Variants in CIBAR1 observed in about 807,000 individuals in gnomAD.
CIBAR1 encodes CBY1-interacting BAR domain-containing protein 1.
A neutral mutation model predicts 44.0 loss-of-function variants in CIBAR1; 25 were observed. The ratio of observed to expected loss-of-function variants is 0.57; its 90% CI spans 0.41 to 0.79. The LOEUF is 0.79. CIBAR1 is among the 30% of genes least tolerant of loss of function. The probability of loss-of-function intolerance (pLI) is 0.00; values close to 1 mark genes in which losing one functional copy is unlikely to be tolerated. For synonymous variants in CIBAR1, 115 were observed against 119.0 expected (o/e 0.97, Z 0.22); for missense variants, 278 against 344.8 (o/e 0.81, Z 1.53).
At chr8:93,721,511 C>T (rs1421484455) in intron 7 of CIBAR1, among the ~76,000 whole-genome samples, 1 of 152,060 alleles carries the variant, frequency 6.6e-6, no homozygotes, top group Non-Finnish European at 1.5e-5. Flanking sequence ...TAAAGGTCTC[C>T]GGAATATGTG....
At chr8:93,718,432 CTAAAA>C (rs1008464011) in intron 6 of CIBAR1, among the ~76,000 whole-genome samples, 6 of 151,908 alleles carry the variant, frequency 3.9e-5, no homozygotes, top group African/African-American at 1.5e-4. Flanking sequence ...AGAGAACTAA[CTAAAA>C]TAAAAAATAA....
Position 93,708,079 on chromosome 8 carries a change from A to G in CIBAR1, c.438+63A>G, listed in dbSNP as rs1810674308. Reference sequence around the variant, plus strand: ...ATAGTAAACCCTTTTACTTGTTTCAATTTATACATTTTCTTGAAAAAGAAA... The same window carrying G: ...ATAGTAAACCCTTTTACTTGTTTCAGTTTATACATTTTCTTGAAAAAGAAA... On this transcript the variant is annotated intron_variant, in intron 5 of 8. Transcript: ENST00000518322. The G allele has an allele frequency of 5.6e-6, 7 of 1,253,614 alleles. No individual in the cohort carries two copies. In the East Asian group the frequency reaches 7.5e-5, roughly 13 times the overall value. 77.7% of individuals were successfully genotyped at this position (1,253,614 alleles called of 1,614,324 possible).
intron 3 of CIBAR1, among the ~76,000 whole-genome samples, chr8:93,704,277 G>T (rs1030099747): frequency 2.6e-5 from 4 of 152,102 alleles, no homozygotes; most frequent in Admixed American, 6.5e-5. Flanking sequence ...TTTCTTTAAA[G>T]CGATAGCATT....
At position 93,701,378 on chromosome 8, in the gene CIBAR1, A is replaced by G. The variant is rs769702459; in HGVS notation, c.181A>G (p.Thr61Ala). The change falls in exon 2 of 9, where the codon ACA becomes GCA. Residue 61 changes from threonine (T) to alanine (A), a missense_variant. Physicochemically the swap from Thr to Ala is moderately conservative, Grantham distance 58. Transcript: ENST00000518322. Reference protein sequence around the residue: ...LVNEINAYAATETPHLKLGLM... With the variant: ...LVNEINAYAAAETPHLKLGLM... Reference sequence around the variant, plus strand: ...GAATGAAATTAACGCGTATGCTGCTACAGAGACCCCGCATTTAAAGCTGGG... The same window carrying G: ...GAATGAAATTAACGCGTATGCTGCTGCAGAGACCCCGCATTTAAAGCTGGG... 2.5e-6 allele frequency: 4 copies of G among 1,613,748 alleles called. No homozygotes were observed. Among genetic ancestry groups the G allele is most frequent in the Admixed American group, 1.7e-5 (1 of 59,986 alleles).
intron 4 of CIBAR1, among the ~76,000 whole-genome samples, chr8:93,707,787 A>G (rs566305377): frequency 6.6e-6 from 1 of 152,192 alleles, no homozygotes; most frequent in Non-Finnish European, 1.5e-5. Context: ...GTAAATGTAT[A>G]TACAAACACA....
At chr8:93,707,167 C>G (rs1157735811) in intron 4 of CIBAR1, 1 of 384,766 alleles carries the variant, frequency 2.6e-6, no homozygotes, top group Non-Finnish European at 5.1e-6. Flanking sequence ...GTATTTTAAT[C>G]CAAAGCATTT....
intron 2 of CIBAR1, chr8:93,702,489 T>G: frequency 2.2e-6 from 1 of 455,230 alleles, no homozygotes; most frequent in Non-Finnish European, 4.4e-6. Context: ...TTTGTTCTCC[T>G]TTTATTTCCC....
At chr8:93,710,933 T>C (rs1810799053) in intron 6 of CIBAR1, among the ~76,000 whole-genome samples, 1 of 152,170 alleles carries the variant, frequency 6.6e-6, no homozygotes, top group African/African-American at 2.4e-5. Context: ...TTTTAATCTG[T>C]GGTTTCTGTT....
At chr8:93,702,747 C>T (rs761988903) in intron 2 of CIBAR1, among the ~76,000 whole-genome samples, 8 of 151,912 alleles carry the variant, frequency 5.3e-5, no homozygotes, top group Non-Finnish European at 1.0e-4. Flanking sequence ...ATTTCATTTA[C>T]AGAAACTAAA....
At chr8:93,716,473 C>A (rs936207309) in intron 6 of CIBAR1, among the ~76,000 whole-genome samples, 4 of 151,888 alleles carry the variant, frequency 2.6e-5, no homozygotes, top group Non-Finnish European at 5.9e-5. Flanking sequence ...TTTAGCGATA[C>A]ATTCCTTTAG....
chr8:93,701,052 A>G (rs1027110495), intron 1 of CIBAR1, 172 bp from the exon 2 acceptor site: 171 of 1,453,636 alleles, frequency 1.2e-4, no homozygotes, highest in Non-Finnish European at 1.4e-4. Context: ...CAGTCCGGAT[A>G]GTGAGGTCAG....
intron 4 of CIBAR1, among the ~76,000 whole-genome samples, chr8:93,707,024 G>A (rs1489142035): frequency 1.3e-5 from 2 of 152,154 alleles, no homozygotes; most frequent in Admixed American, 1.3e-4. Context: ...AGGGCTCCAG[G>A]TGACTCCTGA....
In CIBAR1 at chr8:93,700,604, C is replaced by T. The variant is rs556108514; in HGVS notation, c.-44C>T. The stretch of plus-strand genomic sequence containing the variant: ...GCGCGCCCAGGCGCCTTGGAATCCC[C>T]GTCCTTGGGCCCCCGCAAGGTCCCC... On this transcript the variant is annotated 5_prime_UTR_variant, in exon 1 of 9. Coordinates refer to ENST00000518322, the MANE Select transcript of CIBAR1 (RefSeq NM_145269.5). The T allele has an allele frequency of 4.8e-6, 7 of 1,472,138 alleles. No homozygotes were observed. In the South Asian group the frequency reaches 5.2e-5, roughly 11 times the overall value. 91.2% of individuals were successfully genotyped at this position (1,472,138 alleles called of 1,614,324 possible).
chr8:93,708,108 A>G, intron 5 of CIBAR1, 92 bp downstream of exon 5: 1 of 981,312 alleles, frequency 1.0e-6, no homozygotes, highest in Non-Finnish European at 1.5e-6. Flanking sequence ...AAAGAAAGCA[A>G]AAGCTAAATG....
rs1026175440 is a variant in CIBAR1 at position 93,730,419 on chromosome 8, A to T, written c.*2122A>T. ...TTTTTTAGATAATTTCTAGACAAAA[A>T]TGTTTGGCTTTAAGACAAATGCCAC... On this transcript the variant is annotated 3_prime_UTR_variant, in exon 9 of 9. Transcript: ENST00000518322. 1 of 152,198 alleles carries T rather than the reference A, an allele frequency of 6.6e-6. No homozygotes were observed. Among genetic ancestry groups the T allele is most frequent in the African/African-American group, 2.4e-5 (1 of 41,446 alleles). 9.4% of individuals were successfully genotyped at this position (152,198 alleles called of 1,614,324 possible).
intron 3 of CIBAR1, among the ~76,000 whole-genome samples, chr8:93,704,621 C>T (rs1214661220): frequency 1.3e-5 from 2 of 152,064 alleles, no homozygotes; most frequent in African/African-American, 4.8e-5. Flanking sequence ...ATGTTTATAC[C>T]CATGTAACCA....
At chr8:93,711,131 A>G (rs1031125421) in intron 6 of CIBAR1, among the ~76,000 whole-genome samples, 1 of 152,208 alleles carries the variant, frequency 6.6e-6, no homozygotes, top group African/African-American at 2.4e-5. Flanking sequence ...CTTGGGGATC[A>G]TGAAATTCAG....
At chr8:93,713,016 T>C (rs1406724420) in intron 6 of CIBAR1, among the ~76,000 whole-genome samples, 1 of 88,810 alleles carries the variant, frequency 1.1e-5, no homozygotes, top group Non-Finnish European at 2.2e-5. Context: ...CTTTACCCTT[T>C]TTTTCTCCTT....
intron 5 of CIBAR1, 39 bp from the exon 6 acceptor site, chr8:93,709,732 G>A (rs1382853819): frequency 6.4e-7 from 1 of 1,559,142 alleles, no homozygotes. Flanking sequence ...ATTCTCATTT[G>A]ATTTTTTTTA....
Sources: allele counts gnomAD v4.1 joint callset (sites outside exome capture counted in the v4.1 genomes callset), GRCh38; gene constraint gnomAD v4.1.1; transcripts MANE v1.5; gene names NCBI Gene and HGNC (gene_info 2026-07-23, HGNC 2026-07-21).